GMDS: variants seen among roughly 807,000 people sequenced by gnomAD.
GMDS encodes GDP-mannose 4,6 dehydratase.
A neutral mutation model predicts 49.9 loss-of-function variants in GMDS; 20 were observed. The observed-to-expected ratio is 0.40, with a 90% CI of 0.28 to 0.58. GMDS has a LOEUF of 0.58. Among genes scored for constraint, GMDS ranks in the 20% least tolerant of loss-of-function variants. The pLI, the probability that GMDS is intolerant of heterozygous loss-of-function variation, is 0.42. For synonymous variants in GMDS, 177 were observed against 178.6 expected, an observed-to-expected ratio of 0.99 and a Z score of 0.07; for missense variants, 362 against 481.4, an observed-to-expected ratio of 0.75 and a Z score of 2.32.
intron 4 of GMDS, among the ~76,000 whole-genome samples, chr6:2,067,798 A>C (rs540391300): frequency 1.3e-5 from 2 of 152,218 alleles, no homozygotes; most frequent in Non-Finnish European, 2.9e-5. Context: ...AAAAGTGTCC[A>C]GGACCAGATG....
chr6:2,233,506 A>G (rs1235330705), intron 1 of GMDS, among the ~76,000 whole-genome samples: 1 of 152,246 alleles, frequency 6.6e-6, no homozygotes, highest in Non-Finnish European at 1.5e-5. Context: ...CAGGTGTTCT[A>G]TGCTCTAACA....
chr6:1,674,556 C>CT (rs1764539978), intron 9 of GMDS, among the ~76,000 whole-genome samples: 13 of 85,276 alleles, frequency 1.5e-4, no homozygotes, highest in African/African-American at 1.9e-4. Flanking sequence ...CTCTCTCTCT[C>CT]TCTCTTTTTT....
chr6:1,797,420 CT>C lies in GMDS; in HGVS notation c.772-54835del, dbSNP rs149498689. On this transcript the variant is annotated intron_variant, in intron 7 of 10. Coordinates refer to ENST00000380815, the MANE Select transcript of GMDS (RefSeq NM_001500.4). ...CTTAGGTCATAAATATTTTAATAGA[CT>C]TGTGTCCACCTATGCTGACTTTCTA... Among the ~76,000 whole-genome samples the C allele has an allele frequency of 6.6e-5, 10 of 152,308 alleles. No homozygotes were observed. The East Asian group carries it at 1.9e-3, about 29-fold the overall frequency.
intron 1 of GMDS, among the ~76,000 whole-genome samples, chr6:2,147,320 C>T (rs532045324): frequency 3.5e-4 from 54 of 152,272 alleles, no homozygotes; most frequent in African/African-American, 1.3e-3. Context: ...ACACAGCAGA[C>T]TCTGCCAAGA....
At chr6:1,997,631 A>G (rs7757144) in intron 4 of GMDS, among the ~76,000 whole-genome samples, 66,066 of 151,634 alleles carry the variant, frequency 0.44, 14,861 homozygotes, top group African/African-American at 0.55. Flanking sequence ...TCCTAAAGGG[A>G]TCATGATTCT....
At chr6:1,816,445 G>A (rs1242393217) in intron 7 of GMDS, among the ~76,000 whole-genome samples, 1 of 152,116 alleles carries the variant, frequency 6.6e-6, no homozygotes, top group African/African-American at 2.4e-5. Context: ...ACTGATGACT[G>A]TATCATGGGG....
At chr6:1,675,862 A>C (rs1351590429) in intron 9 of GMDS, among the ~76,000 whole-genome samples, 2 of 152,102 alleles carry the variant, frequency 1.3e-5, no homozygotes, top group African/African-American at 4.8e-5. Context: ...CAAAAAAAAA[A>C]AAAATGATAA....
intron 7 of GMDS, among the ~76,000 whole-genome samples, chr6:1,753,610 T>C (rs1352629528): frequency 6.6e-6 from 1 of 152,222 alleles, no homozygotes; most frequent in Non-Finnish European, 1.5e-5. Flanking sequence ...ACATTCCACT[T>C]ATTCTAAAAC....
chr6:1,726,596 C>T (rs940392531), intron 8 of GMDS, 84 bp from the exon 9 acceptor site: 4 of 956,516 alleles, frequency 4.2e-6, no homozygotes, highest in Non-Finnish European at 6.8e-6. Flanking sequence ...TGCCCCAGCC[C>T]TCTCCCCGCA....
intron 7 of GMDS, among the ~76,000 whole-genome samples, chr6:1,900,669 A>G (rs1429367574): frequency 6.6e-6 from 1 of 152,208 alleles, no homozygotes; most frequent in Non-Finnish European, 1.5e-5. Context: ...ACAAGAAGAG[A>G]CAGTTTGGCA....
chr6:1,806,427 C>T (rs1770178286), intron 7 of GMDS, among the ~76,000 whole-genome samples: 1 of 145,900 alleles, frequency 6.9e-6, no homozygotes, highest in African/African-American at 2.6e-5. Flanking sequence ...AAAGAGACCT[C>T]GAGCACATGG....
intron 7 of GMDS, among the ~76,000 whole-genome samples, chr6:1,829,552 C>A (rs988792864): frequency 2.6e-5 from 4 of 152,176 alleles, no homozygotes; most frequent in African/African-American, 7.2e-5. Context: ...GATGCTCCTG[C>A]CTCAGCCTGT....
chr6:2,113,833 G>T (rs541891013), intron 4 of GMDS, among the ~76,000 whole-genome samples: 1 of 152,190 alleles, frequency 6.6e-6, no homozygotes, highest in South Asian at 2.1e-4. Flanking sequence ...ATATTTGTTG[G>T]AAGATTAAAT....
intron 9 of GMDS, among the ~76,000 whole-genome samples, chr6:1,664,854 T>C (rs926713406): frequency 6.6e-6 from 1 of 152,184 alleles, no homozygotes; most frequent in African/African-American, 2.4e-5. Flanking sequence ...GTAGAAACAT[T>C]TTGAAACTAA....
chr6:1,875,544 C>CA (rs1758999968), intron 7 of GMDS, among the ~76,000 whole-genome samples: 2 of 152,228 alleles, frequency 1.3e-5, no homozygotes, highest in East Asian at 3.9e-4. Context: ...TTGGTAGATT[C>CA]AAAATCTTAA....
chr6:2,191,737 G>A lies in GMDS; in HGVS notation c.102+53584C>T, dbSNP rs1430975229. On this transcript the variant is annotated intron_variant, in intron 1 of 10. Transcript: ENST00000380815. This position sits in a 1 kb window ranked among gnomAD's most constrained non-coding sequence, Gnocchi z 4.6. ...TGTGGAACCTAGGGGGACACTGAGA[G>A]CAGCTTGATGCTGGCCTGCAGGTAC... Among the ~76,000 whole-genome samples the A allele has an allele frequency of 6.6e-6, 1 of 152,212 alleles. No individual in the cohort carries two copies. Among genetic ancestry groups the A allele is most frequent in the African/African-American group, 2.4e-5 (1 of 41,460 alleles).
At chr6:2,005,919 C>T (rs1340715336) in intron 4 of GMDS, among the ~76,000 whole-genome samples, 1 of 152,178 alleles carries the variant, frequency 6.6e-6, no homozygotes, top group African/African-American at 2.4e-5. Flanking sequence ...ACTCGACACC[C>T]TTGACACTTG....
At chr6:1,787,264 G>A (rs1351434161) in intron 7 of GMDS, among the ~76,000 whole-genome samples, 1 of 152,156 alleles carries the variant, frequency 6.6e-6, no homozygotes, top group South Asian at 2.1e-4. Flanking sequence ...AAATGAGCGA[G>A]ACATAAAACA....
At chr6:1,819,616 C>A (rs1770803450) in intron 7 of GMDS, among the ~76,000 whole-genome samples, 1 of 151,806 alleles carries the variant, frequency 6.6e-6, no homozygotes, top group South Asian at 2.1e-4. Flanking sequence ...CAAAAATTAG[C>A]CAGGCGTGGG....
Sources: allele counts gnomAD v4.1 joint callset (sites outside exome capture counted in the v4.1 genomes callset), GRCh38; gene constraint gnomAD v4.1.1; non-coding constraint Gnocchi (gnomAD v3.1); transcripts MANE v1.5; gene names NCBI Gene and HGNC (gene_info 2026-07-23, HGNC 2026-07-21).